The following PIGV variants were observed in gnomAD, a reference collection of about 807,000 sequenced individuals.
The protein encoded by PIGV is GPI alpha-1,6-mannosyltransferase 2.
PIGV carries 27 observed loss-of-function variants against 39.2 expected under a neutral mutation model. The ratio of observed to expected loss-of-function variants is 0.69; its 90% CI spans 0.51 to 0.95. The LOEUF (loss-of-function observed/expected upper bound fraction) is 0.95, where lower values mean the gene tolerates loss of function less well. PIGV is among the 40% of genes least tolerant of loss of function. The pLI, the probability that PIGV is intolerant of heterozygous loss-of-function variation, is 0.00. For missense variants in PIGV, 523 were observed against 586.4 expected, an observed-to-expected ratio of 0.89 and a Z score of 1.12; for synonymous variants, 232 against 241.7, an observed-to-expected ratio of 0.96 and a Z score of 0.37.
In PIGV at chr1:26,800,450, C is replaced by CT. The variant is rs1002610061; in HGVS notation, c.*2614dup. On this transcript the variant is annotated 3_prime_UTR_variant, in exon 4 of 4. Coordinates refer to ENST00000674202, the MANE Select transcript of PIGV (RefSeq NM_017837.4). ...AGCCTCACGTACCTAGAAGTAGATG[C>CT]TTTTTTTTGTTCTTTAATGAAGGTG... Among the ~76,000 whole-genome samples, 2 of 151,870 alleles carry CT rather than the reference C, an allele frequency of 1.3e-5. No individual in the cohort carries two copies. Among genetic ancestry groups the CT allele is most frequent in the African/African-American group, 2.4e-5 (1 of 41,310 alleles).
chr1:26,799,660 C>A lies in PIGV; in HGVS notation c.*1816C>A, dbSNP rs1440695409. The stretch of plus-strand genomic sequence containing the variant: ...TGTTGGAGCTTCTGGTCAGCCTGGC[C>A]AATAAGCATTTCCCATCCATCGCCC... On this transcript the variant is annotated 3_prime_UTR_variant, in exon 4 of 4. Coordinates refer to ENST00000674202, the MANE Select transcript of PIGV (RefSeq NM_017837.4). 2.6e-5 allele frequency among the ~76,000 whole-genome samples: 4 copies of A among 152,178 alleles called. No homozygotes were observed. Among genetic ancestry groups the A allele is most frequent in the Admixed American group, 2.6e-4 (4 of 15,280 alleles).
Position 26,790,841 on chromosome 1 carries a change from A to G in PIGV, c.26A>G (p.Lys9Arg). ...ATGTGGCCCCAGGACCCATCCCGGA[A>G]GGAGGTGCTGAGGTTTGCAGTCAGC... MWPQDPSR[K>R]EVLRFAVSCR... Residue 9 changes from lysine to arginine, a missense_variant, in exon 2 of 4, where the codon AAG (lysine) becomes AGG (arginine). By Grantham distance (26) the Lys-to-Arg change is conservative. Transcript: ENST00000674202. 6.2e-7 allele frequency: 1 copy of G among 1,614,156 alleles called. No homozygotes were observed. The highest frequency in any genetic ancestry group is 8.5e-7 in the Non-Finnish European group (1 of 1,179,988).
At chr1:26,795,704 T>G (rs1254682902) in intron 3 of PIGV, among the ~76,000 whole-genome samples, 2 of 90,316 alleles carry the variant, frequency 2.2e-5, no homozygotes, top group Non-Finnish European at 4.1e-5. Context: ...AGTGAGACTC[T>G]ATCTCAAAAA....
At position 26,800,433 on chromosome 1, in the gene PIGV, G is replaced by A. The variant is rs756986412; in HGVS notation, c.*2589G>A. ...CAGAAACCAGACGCCTCAGCCTCACGTACCTAGAAGTAGATGCTTTTTTTT... is the reference window on the plus strand; with the variant it reads ...CAGAAACCAGACGCCTCAGCCTCACATACCTAGAAGTAGATGCTTTTTTTT... On this transcript the variant is annotated 3_prime_UTR_variant, in exon 4 of 4. Transcript: ENST00000674202. 3.3e-5 allele frequency among the ~76,000 whole-genome samples: 5 copies of A among 152,144 alleles called. No homozygotes were observed. Among genetic ancestry groups the A allele is most frequent in the Non-Finnish European group, 7.4e-5 (5 of 68,020 alleles).
intron 1 of PIGV, among the ~76,000 whole-genome samples, chr1:26,789,566 G>T (rs2081284369): frequency 6.6e-6 from 1 of 152,164 alleles, no homozygotes; most frequent in South Asian, 2.1e-4. Flanking sequence ...GGTTTAAGAT[G>T]CCTATTTGTG....
Position 26,790,773 on chromosome 1 carries a change from T to C in PIGV, c.-43T>C. ...TTGGGGTTTAGAGGCCTGAGGGAGC[T>C]CAATCCTGGTAGCAACACCCCTGAA... On this transcript the variant is annotated 5_prime_UTR_variant, in exon 2 of 4. Transcript: ENST00000674202. The C allele has an allele frequency of 6.5e-7, 1 of 1,526,800 alleles. No individual in the cohort carries two copies. The highest frequency in any genetic ancestry group is 1.1e-5 in the South Asian group (1 of 89,260). 94.6% of individuals were successfully genotyped at this position (1,526,800 alleles called of 1,614,324 possible).
chr1:26,789,760 A>G (rs1179568390), intron 1 of PIGV, among the ~76,000 whole-genome samples: 1 of 152,180 alleles, frequency 6.6e-6, no homozygotes, highest in Non-Finnish European at 1.5e-5. Context: ...AGAGAAGAAA[A>G]AGAGTCTTCC....
chr1:26,788,118 A>C lies in PIGV; in HGVS notation c.-208A>C, dbSNP rs1026723818. On this transcript the variant is annotated 5_prime_UTR_variant, in exon 1 of 4. Transcript: ENST00000674202. ...CGGTAGAAATGAGACAGACGCCCGG[A>C]GAAGCGGGGAGCCCCGCCCCTCCGC... 2 of 152,276 alleles carry C rather than the reference A, an allele frequency of 1.3e-5. No individual in the cohort carries two copies. The highest frequency in any genetic ancestry group is 2.9e-5 in the Non-Finnish European group (2 of 68,080). The allele number at this position is 152,276 out of a possible 1,614,324, so 9.4% of individuals were successfully genotyped here. A position where few individuals can be genotyped will look rare whatever the true frequency, so the allele number is the denominator to read the frequency against.
At chr1:26,792,413 C>T (rs1259894671) in intron 2 of PIGV, among the ~76,000 whole-genome samples, 7 of 151,728 alleles carry the variant, frequency 4.6e-5, no homozygotes, top group African/African-American at 9.7e-5. Context: ...CTGCAAGCTC[C>T]GCTTCCCGGG....
At chr1:26,794,002 G>A in intron 2 of PIGV, 111 bp from the exon 3 acceptor site, 1 of 1,027,314 alleles carries the variant, frequency 9.7e-7, no homozygotes, top group Non-Finnish European at 1.5e-6. Flanking sequence ...ATCTCAGCCT[G>A]CCAAAGTGGG....
At position 26,794,808 on chromosome 1, in the gene PIGV, T is replaced by C. The variant is rs2081359433; in HGVS notation, c.774T>C (p.Tyr258=). The C allele has an allele frequency of 1.9e-6, 3 of 1,614,018 alleles. No individual in the cohort carries two copies. The highest frequency in any genetic ancestry group is 2.5e-6 in the Non-Finnish European group (3 of 1,179,914). The change falls in exon 3 of 4, where the codon TAT becomes TAC. Residue 258 remains tyrosine (Y), a synonymous_variant. Coordinates refer to ENST00000674202, the MANE Select transcript of PIGV (RefSeq NM_017837.4). ...LGLPFALFQY[Y]AYTQFCLPGS... is the part of the protein sequence containing the mutation. ...TTCCCTTTGCCCTCTTTCAGTATTA[T>C]GCCTACACCCAATTCTGTCTGCCAG...
chr1:26,792,515 G>A (rs1031115077), intron 2 of PIGV, among the ~76,000 whole-genome samples: 1 of 152,084 alleles, frequency 6.6e-6, no homozygotes, highest in African/African-American at 2.4e-5. Context: ...TTTTAGTAGA[G>A]ACCGGGTTTC....
chr1:26,797,745 G>C lies in PIGV; in HGVS notation c.1383G>C (p.Trp461Cys). The C allele has an allele frequency of 6.2e-7, 1 of 1,614,070 alleles. No homozygotes were observed. The highest frequency in any genetic ancestry group is 8.5e-7 in the Non-Finnish European group (1 of 1,179,968). Residue 461 changes from tryptophan to cysteine, a missense_variant, in exon 4 of 4, where the codon TGG becomes TGC. Trp to Cys is a radical substitution (Grantham distance 215). Coordinates refer to ENST00000674202, the MANE Select transcript of PIGV (RefSeq NM_017837.4). ...RNPIMGLLYH[W>C]KTCSPVTRYI... ...CTATCATGGGACTTTTGTATCACTG[G>C]AAAACCTGTTCTCCAGTCACACGAT... is the stretch of plus-strand genomic sequence containing the variant.
Position 26,794,408 on chromosome 1 carries a change from T to C in PIGV, c.374T>C (p.Leu125Ser). The C allele has an allele frequency of 6.2e-7, 1 of 1,614,274 alleles. No homozygotes were observed. The highest frequency in any genetic ancestry group is 8.5e-7 in the Non-Finnish European group (1 of 1,180,048). The change falls in exon 3 of 4, where the codon TTG (leucine) becomes TCG (serine). Residue 125 changes from leucine to serine, a missense_variant. Physicochemically the swap from Leu to Ser is moderately radical, Grantham distance 145. Transcript: ENST00000674202. ...ATTTCGGTAGCATCACTCAATTTCT[T>C]GTTCTTCATGTTGGCTGCAGTTGCA... ...LLISVASLNF[L>S]FFMLAAVALH...
At chr1:26,787,673 CAG>C (rs976302758), upstream of PIGV, 9 of 152,424 alleles carry the variant, frequency 5.9e-5, 1 homozygote, top group African/African-American at 2.2e-4. Flanking sequence ...ACCGGGAACT[CAG>C]TGAACGTCAG....
rs1441977431 is a variant in PIGV at position 26,794,570 on chromosome 1, G to T, written c.536G>T (p.Ser179Ile). ...SEALFALLTF[S>I]AMGQLERGRV... is the part of the protein sequence containing the mutation. ...GCTTTGTTTGCCCTCCTGACATTCA[G>T]TGCCATGGGGCAGCTGGAGAGGGGC... The change falls in exon 3 of 4, where the codon AGT (serine) becomes ATT (isoleucine). Residue 179 changes from serine (S) to isoleucine (I), a missense_variant. Physicochemically the swap from Ser to Ile is moderately radical, Grantham distance 142 (BLOSUM62 -2). Transcript: ENST00000674202. The T allele has an allele frequency of 1.2e-6, 2 of 1,614,106 alleles. No individual in the cohort carries two copies. Among genetic ancestry groups the T allele is most frequent in the African/African-American group, 2.7e-5 (2 of 74,930 alleles).
At chr1:26,793,389 A>G (rs972731706) in intron 2 of PIGV, among the ~76,000 whole-genome samples, 1 of 152,194 alleles carries the variant, frequency 6.6e-6, no homozygotes, top group Non-Finnish European at 1.5e-5. Context: ...TTACTTTCAC[A>G]TTGTTAAATC....
intron 2 of PIGV, among the ~76,000 whole-genome samples, chr1:26,793,253 A>G (rs2081335630): frequency 6.6e-6 from 1 of 151,848 alleles, no homozygotes; most frequent in Admixed American, 6.6e-5. Flanking sequence ...CTACTGCCCC[A>G]TTTTTCTGCT....
Position 26,794,159 on chromosome 1 carries a change from C to G in PIGV, c.125C>G (p.Ser42Cys), listed in dbSNP as rs576197715. ...IIPDHHAEAF[S>C]PPRLAPSGFV... ...CCAGATCACCATGCAGAAGCCTTCTCTCCTCCTCGCCTGGCCCCCTCAGGC... is the reference window on the plus strand; with the variant it reads ...CCAGATCACCATGCAGAAGCCTTCTGTCCTCCTCGCCTGGCCCCCTCAGGC... Residue 42 changes from serine to cysteine, a missense_variant, in exon 3 of 4, where the codon TCT becomes TGT. Ser to Cys is a moderately radical substitution (Grantham distance 112, BLOSUM62 -1). Transcript: ENST00000674202. 1 of 1,614,242 alleles carries G rather than the reference C, an allele frequency of 6.2e-7. No homozygotes were observed. Among genetic ancestry groups the G allele is most frequent in the African/African-American group, 1.3e-5 (1 of 75,066 alleles).
Sources: allele counts gnomAD v4.1 joint callset (sites outside exome capture counted in the v4.1 genomes callset), GRCh38; gene constraint gnomAD v4.1.1; transcripts MANE v1.5; gene names NCBI Gene and HGNC (gene_info 2026-07-23, HGNC 2026-07-21).